Variants in PPM1G observed in about 807,000 individuals in gnomAD.
PPM1G encodes protein phosphatase, Mg2+/Mn2+ dependent 1G, also known as protein phosphatase 1G.
Under a neutral mutation model 59.4 loss-of-function variants are expected in PPM1G, and 12 were observed. The ratio of observed to expected loss-of-function variants is 0.20; its 90% CI spans 0.13 to 0.33. The LOEUF (loss-of-function observed/expected upper bound fraction) is 0.33, where lower values mean the gene tolerates loss of function less well. PPM1G is among the 10% of genes least tolerant of loss of function. The probability of loss-of-function intolerance (pLI) is 1.00; values close to 1 mark genes in which losing one functional copy is unlikely to be tolerated. For missense variants in PPM1G, 392 were observed against 681.3 expected, an observed-to-expected ratio of 0.58 and a Z score of 4.73; for synonymous variants, 245 against 251.9, an observed-to-expected ratio of 0.97 and a Z score of 0.26.
rs986084791 is a variant in PPM1G, at chr2:27,382,968, G to C, written c.1202-363C>G. ...AGCCTCCTGAGTAGCTGGGATTACA[G>C]GCTTGCACTACCATGCCCAGCTAAT... On this transcript the variant is annotated intron_variant, in intron 7 of 9. Coordinates refer to ENST00000344034, the MANE Select transcript of PPM1G (RefSeq NM_177983.3). The surrounding 1 kb of genome is among the most constrained non-coding windows in gnomAD (Gnocchi z 4.2). Among the ~76,000 whole-genome samples, 1 of 151,690 alleles carries C rather than the reference G, an allele frequency of 6.6e-6. No homozygotes were observed. Among genetic ancestry groups the C allele is most frequent in the East Asian group, 1.9e-4 (1 of 5,180 alleles).
chr2:27,409,224 G>T, intron 1 of PPM1G, 79 bp downstream of exon 1: 1 of 1,487,638 alleles, frequency 6.7e-7, no homozygotes. Context: ...CTTCCCAGGG[G>T]AGGACCCCAT....
At chr2:27,399,612 T>G (rs936074520) in intron 1 of PPM1G, among the ~76,000 whole-genome samples, 3 of 152,106 alleles carry the variant, frequency 2.0e-5, no homozygotes, top group African/African-American at 7.2e-5. Context: ...CAGAGTGAGA[T>G]TCTGTCTCAA....
rs1490868700 is a variant in PPM1G at position 27,408,697 on chromosome 2, G to C, written c.120+606C>G. ...GGGACTGACATAATTCAAGTTTTCC[G>C]AAGTTAGTAAAAGGCCCTGAAAAGA... On this transcript the variant is annotated intron_variant, in intron 1 of 9. Coordinates refer to ENST00000344034, the MANE Select transcript of PPM1G (RefSeq NM_177983.3). Among the ~76,000 whole-genome samples the C allele has an allele frequency of 2.6e-5, 4 of 152,124 alleles. No individual in the cohort carries two copies. In the East Asian group the frequency reaches 7.7e-4, roughly 29 times the overall value.
chr2:27,385,798 G>A lies in PPM1G; in HGVS notation c.358C>T (p.Arg120Ter), dbSNP rs968525694. Residue 120 changes from arginine to a stop codon, truncating the protein, a stop_gained, in exon 4 of 10, where the codon CGA (arginine) becomes TGA (stop). Coordinates refer to ENST00000344034, the MANE Select transcript of PPM1G (RefSeq NM_177983.3). LOFTEE classifies it high-confidence loss of function. The surrounding 1 kb of genome is among the most constrained non-coding windows in gnomAD (Gnocchi z 4.1). ...VIKELAQIAG[R>*]PTEDEDEKEK... ...TTTTCATCTTCATCCTCAGTGGGTC[G>A]CCCTGCAATCTGTGCCAGCTCTTTA... 2 of 1,613,908 alleles carry A rather than the reference G, an allele frequency of 1.2e-6. No homozygotes were observed. Among genetic ancestry groups the A allele is most frequent in the Non-Finnish European group, 1.7e-6 (2 of 1,179,998 alleles).
chr2:27,395,424 G>T (rs1684026683), intron 1 of PPM1G, among the ~76,000 whole-genome samples: 3 of 152,020 alleles, frequency 2.0e-5, no homozygotes, highest in Non-Finnish European at 4.4e-5. Context: ...AGCTTCTCAG[G>T]AGGCTGGGGC....
At position 27,405,494 on chromosome 2, in the gene PPM1G, G is replaced by C. The variant is rs568547032; in HGVS notation, c.120+3809C>G. ...TTTTGAGACGGAGTCTGTCACCCTG[G>C]CTAGAGTGCAGCGGTGAGATCTCGG... On this transcript the variant is annotated intron_variant, in intron 1 of 9. Transcript: ENST00000344034. Among the ~76,000 whole-genome samples, 47 of 152,018 alleles carry C rather than the reference G, an allele frequency of 3.1e-4. No individual in the cohort carries two copies. In the South Asian group the frequency reaches 9.6e-3, roughly 31 times the overall value.
chr2:27,397,107 G>GATTCACC (rs1282232495), intron 1 of PPM1G, among the ~76,000 whole-genome samples: 1 of 151,994 alleles, frequency 6.6e-6, no homozygotes, highest in Non-Finnish European at 1.5e-5. Flanking sequence ...GACCTCAGGT[G>GATTCACC]ATTCACCCGT....
intron 1 of PPM1G, among the ~76,000 whole-genome samples, chr2:27,398,561 C>A (rs887220681): frequency 2.6e-5 from 4 of 152,130 alleles, no homozygotes; most frequent in Admixed American, 1.3e-4. Context: ...TGGTGGCTCA[C>A]GTCTGTAATC....
At chr2:27,398,415 G>T (rs978557677) in intron 1 of PPM1G, among the ~76,000 whole-genome samples, 2 of 152,142 alleles carry the variant, frequency 1.3e-5, no homozygotes, top group African/African-American at 4.8e-5. Context: ...AAACCTAAGA[G>T]AAAATTCTCG....
rs1449149742 is a variant in PPM1G, at chr2:27,383,382, G to A, written c.1185C>T (p.Asn395=). The A allele has an allele frequency of 4.3e-6, 7 of 1,614,040 alleles. No individual in the cohort carries two copies. Among genetic ancestry groups the A allele is most frequent in the South Asian group, 3.3e-5 (3 of 91,088 alleles). The part of the protein sequence containing the change: ...TMDGRVNGGL[N]LSRAIGDHFY... ...GGCCCTTACCAATGGCTCTGGAGAGGTTGAGGCCCCCGTTGACTCGCCCAT... is the reference window on the plus strand; with the variant it reads ...GGCCCTTACCAATGGCTCTGGAGAGATTGAGGCCCCCGTTGACTCGCCCAT... Residue 395 remains asparagine, a synonymous_variant, in exon 7 of 10, where the codon AAC becomes AAT. Transcript: ENST00000344034. The surrounding 1 kb of genome is among the most constrained non-coding windows in gnomAD (Gnocchi z 5.0).
At chr2:27,402,601 C>G (rs765818940) in intron 1 of PPM1G, among the ~76,000 whole-genome samples, 1 of 151,772 alleles carries the variant, frequency 6.6e-6, no homozygotes, top group Non-Finnish European at 1.5e-5. Context: ...GGTCAGGAAT[C>G]GAGACCATCC....
chr2:27,393,055 C>T (rs1244519965), intron 1 of PPM1G: 39 of 1,302,074 alleles, frequency 3.0e-5, no homozygotes, highest in Non-Finnish European at 4.1e-5. Context: ...CAAATGTAAT[C>T]CATCGCATTC....
intron 1 of PPM1G, among the ~76,000 whole-genome samples, chr2:27,401,820 C>T (rs1394643597): frequency 6.6e-6 from 1 of 151,648 alleles, no homozygotes; most frequent in African/African-American, 2.4e-5. Flanking sequence ...GAGCAAGACC[C>T]TGTCTCGAAA....
At chr2:27,387,214 T>C in intron 1 of PPM1G, 56 bp from the exon 2 acceptor site, 1 of 1,438,470 alleles carries the variant, frequency 7.0e-7, no homozygotes, top group Non-Finnish European at 9.8e-7. Context: ...ATTCCTCAGG[T>C]CATAGGGATC....
intron 1 of PPM1G, among the ~76,000 whole-genome samples, chr2:27,400,880 C>A (rs961434949): frequency 6.6e-6 from 1 of 152,170 alleles, no homozygotes; most frequent in Non-Finnish European, 1.5e-5. Flanking sequence ...AAAAAGTGCC[C>A]ACTGGAGCCT....
Position 27,381,604 on chromosome 2 carries a change from C to A in PPM1G, c.1636G>T (p.Asp546Tyr), listed in dbSNP as rs750398276. 2 of 1,614,144 alleles carry A rather than the reference C, an allele frequency of 1.2e-6. No individual in the cohort carries two copies. The highest frequency in any genetic ancestry group is 1.7e-6 in the Non-Finnish European group (2 of 1,180,038). Residue 546 changes from aspartate to tyrosine, a missense_variant, in exon 10 of 10, where the codon GAC becomes TAC. Coordinates refer to ENST00000344034, the MANE Select transcript of PPM1G (RefSeq NM_177983.3). The stretch of plus-strand genomic sequence containing the variant: ...GGCAGGGGTCTGGATGACTGCTAGT[C>A]TCGCTTGGCCTTCTTCTTCTTGTCG... ...NSDKKKKAKRD is the reference protein window; with the variant it reads ...NSDKKKKAKRY
rs1370466164 is a variant in PPM1G at position 27,384,052 on chromosome 2, G to A, written c.866C>T (p.Ala289Val). 24 of 1,612,460 alleles carry A rather than the reference G, an allele frequency of 1.5e-5. No individual in the cohort carries two copies. Among genetic ancestry groups the A allele is most frequent in the Non-Finnish European group, 2.0e-5 (24 of 1,179,342 alleles). Residue 289 changes from alanine (A) to valine (V), a missense_variant, in exon 6 of 10, where the codon GCA becomes GTA. Transcript: ENST00000344034. The surrounding 1 kb of genome is among the most constrained non-coding windows in gnomAD (Gnocchi z 4.8). Reference protein sequence around the residue: ...EEEDGYSSEEAENEEDEDDTE... With the variant: ...EEEDGYSSEEVENEEDEDDTE... ...GTCATCCTCATCTTCCTCATTCTCT[G>A]CCTCCTCACTGCTGTAGCCATCCTC...
At chr2:27,404,489 T>C (rs887280501) in intron 1 of PPM1G, among the ~76,000 whole-genome samples, 13 of 149,014 alleles carry the variant, frequency 8.7e-5, no homozygotes, top group African/African-American at 3.2e-4. Context: ...GGCGGAAGTT[T>C]CAGTGAGCCG....
intron 2 of PPM1G, 155 bp downstream of exon 2, chr2:27,386,934 A>C (rs1055090297): frequency 3.2e-6 from 2 of 619,832 alleles, no homozygotes; most frequent in African/African-American, 3.7e-5. Context: ...CCTACTGGGA[A>C]AAAAGAATGA....
Sources: gnomAD v4.1 joint callset for allele counts (sites outside exome capture counted in the v4.1 genomes callset) on GRCh38, gnomAD v4.1.1 for gene constraint, Gnocchi (gnomAD v3.1) non-coding constraint, MANE v1.5 for transcripts, NCBI Gene and HGNC (gene_info 2026-07-23, HGNC 2026-07-21) for gene names.